Variants in AMPD1 observed in about 807,000 individuals in gnomAD.
AMPD1 encodes adenosine monophosphate deaminase 1.
A neutral mutation model predicts 82.9 loss-of-function variants in AMPD1; 74 were observed. That is an observed-to-expected ratio of 0.89 (90% CI 0.74 to 1.08). The LOEUF (loss-of-function observed/expected upper bound fraction) is 1.08, where lower values mean the gene tolerates loss of function less well. Among genes scored for constraint, AMPD1 ranks in the 50% least tolerant of loss-of-function variants. The probability of loss-of-function intolerance (pLI) is 0.00; values close to 1 mark genes in which losing one functional copy is unlikely to be tolerated. For synonymous variants in AMPD1, 333 were observed against 320.5 expected (o/e 1.04, Z -0.42); for missense variants, 881 against 924.5 (o/e 0.95, Z 0.61).
chr1:114,677,736 T>C (rs918210406), intron 9 of AMPD1, among the ~76,000 whole-genome samples, 174 bp downstream of exon 9: 5 of 152,004 alleles, frequency 3.3e-5, no homozygotes, highest in African/African-American at 1.2e-4. Flanking sequence ...TTCATTTGTG[T>C]AGTGTTTGGC....
intron 9 of AMPD1, 143 bp from the exon 10 acceptor site, chr1:114,677,657 A>G: frequency 8.3e-7 from 1 of 1,209,680 alleles, no homozygotes; most frequent in Non-Finnish European, 1.2e-6. Flanking sequence ...CACACCCTTA[A>G]TTTCTCTACC....
chr1:114,695,417 C>T (rs762005505), intron 1 of AMPD1, 33 bp downstream of exon 1: 5 of 1,588,964 alleles, frequency 3.1e-6, no homozygotes, highest in Non-Finnish European at 1.7e-6. Context: ...AAAACAACAA[C>T]AACTGAGCTC....
rs1441108484 is a variant in AMPD1 at position 114,673,891 on chromosome 1, C to T, written c.1974+18G>A. 1 of 1,612,434 alleles carries T rather than the reference C, an allele frequency of 6.2e-7. No homozygotes were observed. The highest frequency in any genetic ancestry group is 1.3e-5 in the African/African-American group (1 of 74,836). ...AGTCCAGCAAAATATGCTTGTATTGCCCAAGTCCATACTATACCTTGGTAA... is the reference window on the plus strand; with the variant it reads ...AGTCCAGCAAAATATGCTTGTATTGTCCAAGTCCATACTATACCTTGGTAA... On this transcript the variant is annotated intron_variant, in intron 14 of 15. Coordinates refer to ENST00000520113, the MANE Select transcript of AMPD1 (RefSeq NM_000036.3).
At chr1:114,694,443 T>TA (rs1658618310) in intron 1 of AMPD1, among the ~76,000 whole-genome samples, 10 of 151,484 alleles carry the variant, frequency 6.6e-5, no homozygotes, top group South Asian at 2.1e-4. Context: ...CAGTGCCTTT[T>TA]TAAAAAAAAC....
At chr1:114,693,050 G>A (rs1006257286) in intron 2 of AMPD1, among the ~76,000 whole-genome samples, 4 of 151,168 alleles carry the variant, frequency 2.6e-5, no homozygotes, top group South Asian at 2.1e-4. Flanking sequence ...AGTTGAATCC[G>A]GGAGGCAAAG....
chr1:114,684,177 C>T (rs774291215), intron 5 of AMPD1, 22 bp downstream of exon 5: 161 of 1,610,584 alleles, frequency 1.0e-4, no homozygotes, highest in Non-Finnish European at 1.3e-4. Flanking sequence ...ATGTTTCATA[C>T]ATTATGTAAG....
At chr1:114,677,186 T>C (rs908327896) in intron 10 of AMPD1, among the ~76,000 whole-genome samples, 165 bp downstream of exon 10, 5 of 151,928 alleles carry the variant, frequency 3.3e-5, no homozygotes, top group East Asian at 1.9e-4. Context: ...TTAAGAGTGC[T>C]GTACCCAGAG....
chr1:114,684,684 C>T, intron 4 of AMPD1, among the ~76,000 whole-genome samples: 1 of 152,176 alleles, frequency 6.6e-6, no homozygotes, highest in East Asian at 1.9e-4. Flanking sequence ...AGAATCCATT[C>T]CAACATGGTA....
chr1:114,689,569 C>T (rs992440739), intron 2 of AMPD1, among the ~76,000 whole-genome samples: 1 of 152,130 alleles, frequency 6.6e-6, no homozygotes, highest in African/African-American at 2.4e-5. Flanking sequence ...GTGATCCCAG[C>T]GCTTTGGGAG....
chr1:114,678,092 C>CAG lies in AMPD1; in HGVS notation c.1093-53_1093-52dup, dbSNP rs764823637. The CAG allele has an allele frequency of 2.7e-5, 44 of 1,609,616 alleles. No homozygotes were observed. In the East Asian group the frequency reaches 9.6e-4, roughly 35 times the overall value. On this transcript the variant is annotated intron_variant, in intron 8 of 15. Coordinates refer to ENST00000520113, the MANE Select transcript of AMPD1 (RefSeq NM_000036.3). Reference sequence around the variant, plus strand: ...TGTATTATTACCAGAGCTGTCTGGACAGAGAGAGCTAGGAAATAGTCAAGC... The same window carrying CAG: ...TGTATTATTACCAGAGCTGTCTGGACAGAGAGAGAGCTAGGAAATAGTCAAGC...
In AMPD1 at chr1:114,688,542, C is replaced by T. The variant is rs768859376; in HGVS notation, c.215+19G>A. 7 of 1,614,000 alleles carry T rather than the reference C, an allele frequency of 4.3e-6. No homozygotes were observed. The East Asian group carries it at 6.7e-5, about 15-fold the overall frequency. ...TCCTTAGGTGCCAATATACTAAGCA[C>T]TCCCCTTACACCACTTACCTCCTGG... On this transcript the variant is annotated intron_variant, in intron 3 of 15. Transcript: ENST00000520113.
intron 2 of AMPD1, among the ~76,000 whole-genome samples, chr1:114,691,708 C>T (rs767703279): frequency 6.6e-6 from 1 of 151,998 alleles, no homozygotes; most frequent in African/African-American, 2.4e-5. Flanking sequence ...GGCGGATCAC[C>T]TGAGGTCAGA....
intron 10 of AMPD1, among the ~76,000 whole-genome samples, chr1:114,677,065 T>C (rs544406399): frequency 6.6e-6 from 1 of 152,142 alleles, no homozygotes; most frequent in Admixed American, 6.6e-5. Context: ...TATACCAAAC[T>C]GTACATAGTT....
Position 114,674,867 on chromosome 1 carries a change from C to G in AMPD1, c.1685G>C (p.Arg562Pro). The change falls in exon 13 of 16, where the codon CGA becomes CCA. Residue 562 changes from arginine (R) to proline (P), a missense_variant. Physicochemically the swap from Arg to Pro is moderately radical, Grantham distance 103 (BLOSUM62 -2). This residue lies in a region of AMPD1 where 783 missense variants were observed against 786.4 expected (regional missense o/e 1.00). Coordinates refer to ENST00000520113, the MANE Select transcript of AMPD1 (RefSeq NM_000036.3). ...TCGGAACAGAAACGTATTCATGCCT[C>G]GTTCCCTGGGGAAATAGAACTGCTA... ...IMVLNSLRKE[R>P]GMNTFLFRPH... The G allele has an allele frequency of 6.2e-7, 1 of 1,614,092 alleles. No homozygotes were observed. The highest frequency in any genetic ancestry group is 1.1e-5 in the South Asian group (1 of 91,084).
chr1:114,686,946 T>C (rs761391655), intron 3 of AMPD1, 36 bp from the exon 4 acceptor site: 8 of 1,608,260 alleles, frequency 5.0e-6, no homozygotes, highest in African/African-American at 1.3e-5. Context: ...GTTAATTTTG[T>C]CTTCATCAGG....
At chr1:114,690,456 A>G (rs1318282796) in intron 2 of AMPD1, among the ~76,000 whole-genome samples, 1 of 152,188 alleles carries the variant, frequency 6.6e-6, no homozygotes, top group African/African-American at 2.4e-5. Context: ...GATGACAGGA[A>G]TTGATTCATA....
At chr1:114,684,173 C>A (rs1004355173) in intron 5 of AMPD1, 26 bp downstream of exon 5, 1 of 1,609,994 alleles carries the variant, frequency 6.2e-7, no homozygotes, top group Admixed American at 1.7e-5. Flanking sequence ...AAATATGTTT[C>A]ATACATTATG....
At chr1:114,678,063 G>A (rs764282319) in intron 8 of AMPD1, 22 bp from the exon 9 acceptor site, 2 of 1,613,428 alleles carry the variant, frequency 1.2e-6, no homozygotes, top group African/African-American at 1.3e-5. Context: ...AAAAAGAGCA[G>A]AGATGTATTA....
At chr1:114,683,455 G>A (rs544491638) in intron 5 of AMPD1, among the ~76,000 whole-genome samples, 1 of 152,294 alleles carries the variant, frequency 6.6e-6, no homozygotes, top group South Asian at 2.1e-4. Flanking sequence ...AAATAAACAG[G>A]CCGGGTGTGG....
Sources: gnomAD v4.1 joint callset for allele counts (sites outside exome capture counted in the v4.1 genomes callset) on GRCh38, gnomAD v4.1.1 for gene constraint, gnomAD v4.1.1 regional missense constraint, MANE v1.5 for transcripts, NCBI Gene and HGNC (gene_info 2026-07-23, HGNC 2026-07-21) for gene names.